LIN28B: variants seen among roughly 807,000 people sequenced by gnomAD.
LIN28B encodes the protein lin-28 RNA binding posttranscriptional regulator B.
A neutral mutation model predicts 21.9 loss-of-function variants in LIN28B; 5 were observed. That is an observed-to-expected ratio of 0.23 (90% CI 0.12 to 0.48). The LOEUF is 0.48. Among genes scored for constraint, LIN28B ranks in the 20% least tolerant of loss-of-function variants. The probability of loss-of-function intolerance (pLI) is 0.98; values close to 1 mark genes in which losing one functional copy is unlikely to be tolerated. For missense variants in LIN28B, 245 were observed against 310.5 expected, an observed-to-expected ratio of 0.79 and a Z score of 1.58; for synonymous variants, 109 against 111.3, an observed-to-expected ratio of 0.98 and a Z score of 0.13.
At chr6:105,023,207 A>G (rs1171331253) in intron 2 of LIN28B, among the ~76,000 whole-genome samples, 2 of 66,384 alleles carry the variant, frequency 3.0e-5, no homozygotes, top group Non-Finnish European at 5.9e-5. Context: ...ATAGTTTCTT[A>G]TGGATATATA....
chr6:104,971,875 A>G (rs932028659), intron 2 of LIN28B, among the ~76,000 whole-genome samples: 15 of 152,210 alleles, frequency 9.9e-5, no homozygotes, highest in Admixed American at 5.2e-4. Flanking sequence ...TTTGATTAGC[A>G]AGGGATATAG....
chr6:105,068,894 A>T (rs925000653), intron 3 of LIN28B, among the ~76,000 whole-genome samples: 4 of 152,216 alleles, frequency 2.6e-5, no homozygotes, highest in Non-Finnish European at 4.4e-5. Flanking sequence ...TATTATATTT[A>T]TACTGACAAG....
intron 3 of LIN28B, among the ~76,000 whole-genome samples, chr6:105,054,013 G>A (rs1771972556): frequency 6.6e-6 from 1 of 151,176 alleles, no homozygotes; most frequent in Non-Finnish European, 1.5e-5. Flanking sequence ...CAAAGTACTG[G>A]GATTACAGGC....
intron 2 of LIN28B, among the ~76,000 whole-genome samples, chr6:105,010,966 T>C (rs1228325324): frequency 6.6e-6 from 1 of 152,234 alleles, no homozygotes; most frequent in Non-Finnish European, 1.5e-5. Flanking sequence ...TACAGTATAC[T>C]CATTTTTTAT....
At chr6:105,050,507 C>T (rs1369342861) in intron 3 of LIN28B, among the ~76,000 whole-genome samples, 4 of 141,268 alleles carry the variant, frequency 2.8e-5, no homozygotes, top group African/African-American at 1.1e-4. Context: ...GAGGCTGAGG[C>T]AGGAGAATGG....
At chr6:104,976,287 C>T (rs1038176035) in intron 2 of LIN28B, among the ~76,000 whole-genome samples, 6 of 152,066 alleles carry the variant, frequency 3.9e-5, no homozygotes, top group Non-Finnish European at 8.8e-5. Context: ...TGGTGCTTTG[C>T]ATGTATAATG....
intron 2 of LIN28B, among the ~76,000 whole-genome samples, chr6:104,976,568 A>G (rs1770098150): frequency 6.6e-6 from 1 of 152,236 alleles, no homozygotes. Flanking sequence ...AACAGTTCCC[A>G]CAGAGTGTAA....
In LIN28B at chr6:105,077,667, T is replaced by A. The variant is rs962906237; in HGVS notation, c.384-747T>A. On this transcript the variant is annotated intron_variant, in intron 3 of 3. Coordinates refer to ENST00000345080, the MANE Select transcript of LIN28B (RefSeq NM_001004317.4). ...TACAAAAAAGAAAAGAAAGTTAACT[T>A]TTCTCATCATTGAACTAGCATGAAC... is the stretch of plus-strand genomic sequence containing the variant. Among the ~76,000 whole-genome samples, 159 of 152,296 alleles carry A rather than the reference T, an allele frequency of 1.0e-3. 1 individual carries two copies. The highest frequency in any genetic ancestry group is 8.8e-5 in the Non-Finnish European group (6 of 68,016).
At position 105,020,710 on chromosome 6, in the gene LIN28B, C is replaced by T. The variant is rs184076304; in HGVS notation, c.199-5588C>T. On this transcript the variant is annotated intron_variant, in intron 2 of 3. Transcript: ENST00000345080. ...TCATCATCCACCTCCCTCCCAACCC[C>T]TCACCCTTCTGAGTCTCTATTGTCT... 1.4e-3 allele frequency among the ~76,000 whole-genome samples: 205 copies of T among 151,798 alleles called. No homozygotes were observed. The Middle Eastern group carries it at 0.017, about 13-fold the overall frequency.
chr6:105,048,362 A>T lies in LIN28B; in HGVS notation c.383+21880A>T, dbSNP rs548947171. Reference sequence around the variant, plus strand: ...GTTGAACCAGCCTTGCATCCCAGGGATGAAGCCCATTTGATCATGGTGGAT... The same window carrying T: ...GTTGAACCAGCCTTGCATCCCAGGGTTGAAGCCCATTTGATCATGGTGGAT... On this transcript the variant is annotated intron_variant, in intron 3 of 3. Coordinates refer to ENST00000345080, the MANE Select transcript of LIN28B (RefSeq NM_001004317.4). 7.9e-5 allele frequency among the ~76,000 whole-genome samples: 12 copies of T among 152,288 alleles called. No homozygotes were observed. In the East Asian group the frequency reaches 1.5e-3, roughly 20 times the overall value.
chr6:105,045,962 A>G (rs1284720583), intron 3 of LIN28B, among the ~76,000 whole-genome samples: 2 of 152,128 alleles, frequency 1.3e-5, no homozygotes, highest in East Asian at 1.9e-4. Context: ...ATTTTTTCAT[A>G]TGATATTTTT....
chr6:105,015,729 A>G (rs1019491273), intron 2 of LIN28B, among the ~76,000 whole-genome samples: 12 of 152,206 alleles, frequency 7.9e-5, no homozygotes, highest in African/African-American at 2.9e-4. Flanking sequence ...TTCTTAGAGC[A>G]TGATATCACA....
At chr6:105,015,505 T>G (rs1457959381) in intron 2 of LIN28B, among the ~76,000 whole-genome samples, 3 of 152,156 alleles carry the variant, frequency 2.0e-5, no homozygotes, top group African/African-American at 7.2e-5. Context: ...GTTGGAGTGT[T>G]AAATCCTAAT....
chr6:105,032,757 G>A (rs987373491), intron 3 of LIN28B, among the ~76,000 whole-genome samples: 9 of 152,160 alleles, frequency 5.9e-5, no homozygotes, highest in Admixed American at 3.3e-4. Flanking sequence ...TCTGTTAGGC[G>A]TGTGGTGATA....
rs189024215 is a variant in LIN28B at position 105,074,107 on chromosome 6, A to G, written c.384-4307A>G. On this transcript the variant is annotated intron_variant, in intron 3 of 3. Coordinates refer to ENST00000345080, the MANE Select transcript of LIN28B (RefSeq NM_001004317.4). ...CATGTAATTACTTCAGAATATAATT[A>G]AATAGTTCTAAAGGTCTAAACAATT... Among the ~76,000 whole-genome samples the G allele has an allele frequency of 7.4e-3, 1,120 of 152,342 alleles. 11 individuals carry two copies. The highest frequency in any genetic ancestry group is 0.017 in the Middle Eastern group (5 of 294).
At chr6:105,041,426 T>A (rs1334401491) in intron 3 of LIN28B, among the ~76,000 whole-genome samples, 1 of 152,202 alleles carries the variant, frequency 6.6e-6, no homozygotes, top group Non-Finnish European at 1.5e-5. Context: ...TTAATTTATC[T>A]TCAGTCTTTA....
intron 2 of LIN28B, among the ~76,000 whole-genome samples, chr6:105,015,431 T>C (rs1480582211): frequency 6.6e-6 from 1 of 152,156 alleles, no homozygotes; most frequent in Non-Finnish European, 1.5e-5. Flanking sequence ...GGCTCTTTTG[T>C]AGATGTAGAC....
intron 2 of LIN28B, among the ~76,000 whole-genome samples, chr6:105,022,182 G>A (rs1252655281): frequency 6.6e-6 from 1 of 152,146 alleles, no homozygotes; most frequent in African/African-American, 2.4e-5. Flanking sequence ...AGATGATGTA[G>A]AGTAATGAGC....
intron 2 of LIN28B, among the ~76,000 whole-genome samples, chr6:104,974,318 G>A (rs1049100317): frequency 3.3e-5 from 5 of 151,658 alleles, no homozygotes; most frequent in Non-Finnish European, 2.9e-5. Context: ...GTGAAACCCC[G>A]TCTCTGCTAA....
Sources: allele counts gnomAD v4.1 joint callset (sites outside exome capture counted in the v4.1 genomes callset), GRCh38; gene constraint gnomAD v4.1.1; transcripts MANE v1.5; gene names NCBI Gene and HGNC (gene_info 2026-07-23, HGNC 2026-07-21).